The following MPDZ variants were observed in gnomAD, a reference collection of about 807,000 sequenced individuals.
The protein encoded by MPDZ is multiple PDZ domain protein.
Under a neutral mutation model 239.1 loss-of-function variants are expected in MPDZ, and 234 were observed. The observed-to-expected ratio is 0.98, with a 90% CI of 0.88 to 1.09. The LOEUF (loss-of-function observed/expected upper bound fraction) is 1.09. Among genes scored for constraint, MPDZ ranks in the 50% least tolerant of loss-of-function variants. The pLI is 0.00. For missense variants in MPDZ, 3,175 were observed against 2,510.0 expected, an observed-to-expected ratio of 1.26 and a Z score of -5.66; for synonymous variants, 1,048 against 881.3, an observed-to-expected ratio of 1.19 and a Z score of -3.35.
intron 19 of MPDZ, among the ~76,000 whole-genome samples, chr9:13,180,802 C>A (rs1675058694): frequency 6.6e-6 from 1 of 151,960 alleles, no homozygotes; most frequent in African/African-American, 2.4e-5. Flanking sequence ...TTTTCAGGTT[C>A]TTGAGTAATT....
At chr9:13,201,300 C>A (rs942529447) in intron 12 of MPDZ, among the ~76,000 whole-genome samples, 4 of 151,904 alleles carry the variant, frequency 2.6e-5, no homozygotes, top group East Asian at 1.9e-4. Flanking sequence ...AGCAATATAG[C>A]AATATTGGGG....
intron 23 of MPDZ, 81 bp from the exon 24 acceptor site, chr9:13,158,191 G>A: frequency 9.5e-7 from 1 of 1,055,234 alleles, no homozygotes; most frequent in Non-Finnish European, 1.4e-6. Flanking sequence ...TATTGATTTA[G>A]CTAAAAATGC....
Position 13,216,763 on chromosome 9 carries a change from G to A in MPDZ, c.1290+11C>T. The A allele has an allele frequency of 6.3e-7, 1 of 1,577,176 alleles. No individual in the cohort carries two copies. Among genetic ancestry groups the A allele is most frequent in the Non-Finnish European group, 8.7e-7 (1 of 1,150,178 alleles). On this transcript the variant is annotated intron_variant, in intron 10 of 46. Transcript: ENST00000319217. ...AAAATTAACAAAGCTATTGTTAAAT[G>A]TGTAACTTACTGCTATAATTTGGTC... is the stretch of plus-strand genomic sequence containing the variant.
chr9:13,251,561 T>C (rs1402037856), intron 1 of MPDZ, among the ~76,000 whole-genome samples: 4 of 152,284 alleles, frequency 2.6e-5, no homozygotes, highest in Non-Finnish European at 4.4e-5. Context: ...ATTCCTTCAA[T>C]AGAGAAAAGA....
At chr9:13,271,638 TTC>T (rs752564584) in intron 1 of MPDZ, among the ~76,000 whole-genome samples, 5 of 152,184 alleles carry the variant, frequency 3.3e-5, no homozygotes, top group South Asian at 4.1e-4. Flanking sequence ...TTAATCTGTG[TTC>T]TGTTAGTTTT....
chr9:13,252,290 G>A (rs1003406837), intron 1 of MPDZ, among the ~76,000 whole-genome samples: 3 of 152,026 alleles, frequency 2.0e-5, no homozygotes, highest in Admixed American at 6.6e-5. Context: ...TAAATAGGCC[G>A]GGCGCGGTGG....
At chr9:13,277,291 G>C (rs1974442721) in intron 1 of MPDZ, among the ~76,000 whole-genome samples, 1 of 151,390 alleles carries the variant, frequency 6.6e-6, no homozygotes, top group African/African-American at 2.4e-5. Context: ...TAAGTGAAAA[G>C]AATAAACACA....
In MPDZ at chr9:13,115,272, C is replaced by A; in HGVS notation, c.5442G>T (p.Glu1814Asp). Residue 1814 changes from glutamate to aspartate, a missense_variant, in exon 40 of 47, where the codon GAG (glutamate) becomes GAT (aspartate). Coordinates refer to ENST00000319217, the MANE Select transcript of MPDZ (RefSeq NM_001378778.1). ...GRIKAGPFHS[E>D]RRPSQSSQVS... ...CCTGGCTGCTTTGAGATGGCCTCCT[C>A]TCTGAATGGAATGGACCAGCTTTGA... 1 of 1,612,666 alleles carries A rather than the reference C, an allele frequency of 6.2e-7. No homozygotes were observed. The highest frequency in any genetic ancestry group is 8.5e-7 in the Non-Finnish European group (1 of 1,179,848).
Position 13,162,709 on chromosome 9 carries a change from A to C in MPDZ, c.3341T>G (p.Phe1114Cys). ...QSGRVMALDI[F>C]SSYTGRDIPE... ...CACTTACCTGCCAGTGTATGAAGAA[A>C]AAATATCCAGTGCCATTACTCTTCC... The change falls in exon 23 of 47, where the codon TTT (phenylalanine) becomes TGT (cysteine). Residue 1114 changes from phenylalanine (F) to cysteine (C), a missense_variant. Coordinates refer to ENST00000319217, the MANE Select transcript of MPDZ (RefSeq NM_001378778.1). The C allele has an allele frequency of 6.8e-6, 11 of 1,609,298 alleles. No individual in the cohort carries two copies. Among genetic ancestry groups the C allele is most frequent in the Non-Finnish European group, 9.3e-6 (11 of 1,177,008 alleles).
chr9:13,259,050 G>GA (rs1970066481), intron 1 of MPDZ, among the ~76,000 whole-genome samples: 1 of 151,106 alleles, frequency 6.6e-6, no homozygotes, highest in African/African-American at 2.4e-5. Flanking sequence ...AATTTTATCT[G>GA]AAATTCAAAC....
chr9:13,263,044 G>T (rs956444856), intron 1 of MPDZ, among the ~76,000 whole-genome samples: 3 of 152,092 alleles, frequency 2.0e-5, no homozygotes, highest in South Asian at 4.1e-4. Context: ...TAAGGAAACT[G>T]TATTTTTATA....
At chr9:13,187,833 T>C (rs1166771277) in intron 17 of MPDZ, among the ~76,000 whole-genome samples, 2 of 152,100 alleles carry the variant, frequency 1.3e-5, no homozygotes, top group African/African-American at 4.8e-5. Context: ...TTAACTGCAA[T>C]ACAATGATAA....
chr9:13,225,327 A>C (rs1960206873), intron 3 of MPDZ, among the ~76,000 whole-genome samples: 1 of 152,084 alleles, frequency 6.6e-6, no homozygotes, highest in African/African-American at 2.4e-5. Context: ...TATAAACTCT[A>C]TGCATAAGAG....
At chr9:13,137,586 G>A (rs1382723844) in intron 29 of MPDZ, among the ~76,000 whole-genome samples, 1 of 152,094 alleles carries the variant, frequency 6.6e-6, no homozygotes, top group Non-Finnish European at 1.5e-5. Context: ...TCTCCCATTA[G>A]TGATTCAAGT....
At chr9:13,221,651 A>G (rs572276242) in intron 6 of MPDZ, among the ~76,000 whole-genome samples, 151 bp from the exon 7 acceptor site, 1 of 152,164 alleles carries the variant, frequency 6.6e-6, no homozygotes, top group Admixed American at 6.6e-5. Flanking sequence ...TTCATTTGGT[A>G]TACTTCCCTT....
intron 32 of MPDZ, among the ~76,000 whole-genome samples, chr9:13,133,152 T>C (rs2132106457): frequency 6.6e-6 from 1 of 152,250 alleles, no homozygotes; most frequent in African/African-American, 2.4e-5. Context: ...TATAAACTCT[T>C]ACTTCAGGAT....
chr9:13,247,724 T>G lies in MPDZ; in HGVS notation c.94A>C (p.Lys32Gln), dbSNP rs778174239. 6.2e-7 allele frequency: 1 copy of G among 1,613,680 alleles called. No homozygotes were observed. Among genetic ancestry groups the G allele is most frequent in the Non-Finnish European group, 8.5e-7 (1 of 1,179,680 alleles). Residue 32 changes from lysine to glutamine, a missense_variant, in exon 3 of 47, where the codon AAA becomes CAA. Physicochemically the swap from Lys to Gln is moderately conservative, Grantham distance 53. Coordinates refer to ENST00000319217, the MANE Select transcript of MPDZ (RefSeq NM_001378778.1). ...AGGACTGACTTCAGAAGGCTCAGTT[T>G]GTCTTCATTTGCTACATCCCCACGT... ...RERGDVANED[K>Q]LSLLKSVLQS... is the part of the protein sequence containing the mutation.
chr9:13,252,646 C>A (rs1968390549), intron 1 of MPDZ, among the ~76,000 whole-genome samples: 1 of 150,594 alleles, frequency 6.6e-6, no homozygotes, highest in Non-Finnish European at 1.5e-5. Flanking sequence ...CTCAGGAGTT[C>A]GAGACCAGCC....
rs2136126857 is a variant in MPDZ, at chr9:13,216,849, G to C, written c.1215C>G (p.Ile405Met). The change falls in exon 10 of 47, where the codon ATC becomes ATG. Residue 405 changes from isoleucine (I) to methionine (M), a missense_variant. Coordinates refer to ENST00000319217, the MANE Select transcript of MPDZ (RefSeq NM_001378778.1). ...IGDKKLEPSG[I>M]FVKSITKSSA... ...TGCTTTTTGTAATGCTCTTTACAAAGATTCCTGAAGGTTCTAAGATTAGAA... is the reference window on the plus strand; with the variant it reads ...TGCTTTTTGTAATGCTCTTTACAAACATTCCTGAAGGTTCTAAGATTAGAA... The C allele has an allele frequency of 6.2e-7, 1 of 1,608,766 alleles. No homozygotes were observed. The highest frequency in any genetic ancestry group is 8.5e-7 in the Non-Finnish European group (1 of 1,177,182).
Sources: allele counts gnomAD v4.1 joint callset (sites outside exome capture counted in the v4.1 genomes callset), GRCh38; gene constraint gnomAD v4.1.1; transcripts MANE v1.5; gene names NCBI Gene and HGNC (gene_info 2026-07-23, HGNC 2026-07-21).